Variants in CACNA1E observed in about 807,000 individuals in gnomAD.
CACNA1E encodes calcium voltage-gated channel subunit alpha1 E.
CACNA1E carries 40 observed loss-of-function variants against 259.2 expected under a neutral mutation model. That is an observed-to-expected ratio of 0.15 (90% confidence interval 0.12 to 0.20). CACNA1E has a LOEUF of 0.20. CACNA1E is among the 10% of genes least tolerant of loss of function. CACNA1E has a pLI of 1.00. For missense variants in CACNA1E, 1,874 were observed against 3,040.1 expected (o/e 0.62, Z 9.02); for synonymous variants, 1,104 against 1,138.5 (o/e 0.97, Z 0.61).
intron 7 of CACNA1E, among the ~76,000 whole-genome samples, chr1:181,671,188 C>T (rs1449753300): frequency 6.6e-6 from 1 of 152,162 alleles, no homozygotes; most frequent in Non-Finnish European, 1.5e-5. Context: ...TGCATATCAC[C>T]ACACCTGGCT....
chr1:181,664,334 G>A (rs1647989110), intron 7 of CACNA1E, among the ~76,000 whole-genome samples: 1 of 152,200 alleles, frequency 6.6e-6, no homozygotes, highest in African/African-American at 2.4e-5. Flanking sequence ...GCTCTTTTGA[G>A]TTGATTAATT....
At chr1:181,481,729 CCACCAGT>C (rs1257805626), upstream of CACNA1E, among the ~76,000 whole-genome samples, 1 of 152,148 alleles carries the variant, frequency 6.6e-6, no homozygotes, top group Non-Finnish European at 1.5e-5. Flanking sequence ...TCAGTTCAAA[CCACCAGT>C]CACCTGTGGG....
chr1:181,795,877 G>T (rs1661765092), intron 46 of CACNA1E, among the ~76,000 whole-genome samples: 1 of 151,046 alleles, frequency 6.6e-6, no homozygotes, highest in African/African-American at 2.4e-5. Context: ...CCATTAAGTG[G>T]CAGAACTGGG....
intron 37 of CACNA1E, among the ~76,000 whole-genome samples, chr1:181,773,975 G>A (rs1203039815): frequency 6.6e-6 from 1 of 152,184 alleles, no homozygotes; most frequent in Non-Finnish European, 1.5e-5. Context: ...CCTTGGACAA[G>A]TCACACAGCT....
Position 181,763,525 on chromosome 1 carries a change from C to G in CACNA1E, c.4809C>G (p.Ser1603=). 6.4e-7 allele frequency: 1 copy of G among 1,567,000 alleles called. No homozygotes were observed. Residue 1603 remains serine, a synonymous_variant, in exon 34 of 48, where the codon TCC becomes TCG. Transcript: ENST00000367573. ...TTTTGCTGTGGACCTTTGTGCAGTCCTTTAAGGTAAGAGGTACCAGCAAAT... is the reference window on the plus strand; with the variant it reads ...TTTTGCTGTGGACCTTTGTGCAGTCGTTTAAGGTAAGAGGTACCAGCAAAT... ...IRILLWTFVQ[S]FKALPYVCLL...
chr1:181,649,358 T>A (rs531759780), intron 6 of CACNA1E, among the ~76,000 whole-genome samples: 1 of 151,916 alleles, frequency 6.6e-6, no homozygotes, highest in South Asian at 2.1e-4. Flanking sequence ...TGCAATTATC[T>A]CTCTCTGAAT....
At chr1:181,657,869 G>A (rs1436244059) in intron 7 of CACNA1E, among the ~76,000 whole-genome samples, 1 of 152,236 alleles carries the variant, frequency 6.6e-6, no homozygotes, top group Non-Finnish European at 1.5e-5. Flanking sequence ...TTCAGTGAGT[G>A]TTTGTTGGCA....
At chr1:181,448,008 T>A (rs1472402039) in intron 2 of CACNA1E, among the ~76,000 whole-genome samples, 1 of 152,216 alleles carries the variant, frequency 6.6e-6, no homozygotes. Context: ...AGATAAGAGA[T>A]TATGTAATTA....
At chr1:181,791,222 A>G (rs751159289) in intron 44 of CACNA1E, among the ~76,000 whole-genome samples, 12 of 152,246 alleles carry the variant, frequency 7.9e-5, no homozygotes, top group Admixed American at 7.8e-4. Context: ...CTGTAATCCC[A>G]GTACTTTGGG....
chr1:181,494,733 A>C (rs889418383), intron 1 of CACNA1E, among the ~76,000 whole-genome samples: 1 of 152,200 alleles, frequency 6.6e-6, no homozygotes, highest in Non-Finnish European at 1.5e-5. Context: ...TCTACACCGC[A>C]CTGTCTATGG....
chr1:181,391,949 G>C (rs4048567), intron 1 of CACNA1E, among the ~76,000 whole-genome samples: 148 of 131,470 alleles, frequency 1.1e-3, no homozygotes, highest in South Asian at 3.3e-3. Flanking sequence ...CTCTCTCTGT[G>C]TGTGTGTGTG....
chr1:181,732,561 C>G lies in CACNA1E; in HGVS notation c.2475C>G (p.Ser825Arg). 1 of 1,541,444 alleles carries G rather than the reference C, an allele frequency of 6.5e-7. No individual in the cohort carries two copies. The highest frequency in any genetic ancestry group is 8.8e-7 in the Non-Finnish European group (1 of 1,142,292). ...TCAACCCGCTCAATGCCCACCCCAG[C>G]CTTTATCGGCGACCCAGGGCCATTG... ...SSLNPLNAHP[S>R]LYRRPRAIEG... The change falls in exon 20 of 48, where the codon AGC becomes AGG. Residue 825 changes from serine to arginine, a missense_variant. Transcript: ENST00000367573. This position sits in a 1 kb window ranked among gnomAD's most constrained non-coding sequence, Gnocchi z 5.5.
chr1:181,617,877 T>A (rs1168476269), intron 6 of CACNA1E, among the ~76,000 whole-genome samples: 1 of 152,224 alleles, frequency 6.6e-6, no homozygotes, highest in Non-Finnish European at 1.5e-5. Flanking sequence ...TCTGGGTGAC[T>A]GCTGTTTTGT....
intron 1 of CACNA1E, among the ~76,000 whole-genome samples, chr1:181,406,135 A>G (rs528121250): frequency 6.6e-6 from 1 of 152,282 alleles, no homozygotes; most frequent in South Asian, 2.1e-4. Context: ...AATGAAAGGA[A>G]CCTGGTTCCC....
intron 1 of CACNA1E, among the ~76,000 whole-genome samples, chr1:181,487,751 C>T (rs978117729): frequency 2.0e-5 from 3 of 152,200 alleles, no homozygotes; most frequent in Non-Finnish European, 4.4e-5. Flanking sequence ...CAGCATCTCT[C>T]ATGTGGTTTG....
At chr1:181,414,857 C>G (rs1658145214) in intron 2 of CACNA1E, among the ~76,000 whole-genome samples, 1 of 152,184 alleles carries the variant, frequency 6.6e-6, no homozygotes, top group South Asian at 2.1e-4. Flanking sequence ...TGCCTTTAAC[C>G]ATGATGGCAC....
rs773162075 is a variant in CACNA1E, at chr1:181,785,779, A to G, written c.5746A>G (p.Lys1916Glu). Reference protein sequence around the residue: ...SLPQEIIANAKALPYLQQDPV... With the variant: ...SLPQEIIANAEALPYLQQDPV... ...GCCTCAGGAGATCATTGCTAATGCC[A>G]AAGCCCTGCCTTACCTCCAGCAGGA... is the stretch of plus-strand genomic sequence containing the variant. Residue 1916 changes from lysine (K) to glutamate (E), a missense_variant, in exon 43 of 48, where the codon AAA becomes GAA. Physicochemically the swap from Lys to Glu is moderately conservative, Grantham distance 56 (BLOSUM62 1). Around this residue, in one of 14 missense-constraint regions of CACNA1E, gnomAD observed 542 missense variants for 587.2 expected, o/e 0.92. Coordinates refer to ENST00000367573, the MANE Select transcript of CACNA1E (RefSeq NM_001205293.3). 1 of 1,612,926 alleles carries G rather than the reference A, an allele frequency of 6.2e-7. No homozygotes were observed.
At chr1:181,484,956 G>A (rs1426400398) in intron 1 of CACNA1E, among the ~76,000 whole-genome samples, 1 of 152,250 alleles carries the variant, frequency 6.6e-6, no homozygotes, top group African/African-American at 2.4e-5. Context: ...TTCTTTGCAG[G>A]TTTAATCAAG....
intron 7 of CACNA1E, among the ~76,000 whole-genome samples, chr1:181,660,739 G>C (rs975924033): frequency 2.0e-5 from 3 of 152,204 alleles, no homozygotes; most frequent in African/African-American, 7.2e-5. Flanking sequence ...TCTGAGGGGA[G>C]TTGGTGGGTA....
Sources: gnomAD v4.1 joint callset for allele counts (sites outside exome capture counted in the v4.1 genomes callset) on GRCh38, gnomAD v4.1.1 for gene constraint, gnomAD v4.1.1 regional missense constraint, Gnocchi (gnomAD v3.1) non-coding constraint, MANE v1.5 for transcripts, NCBI Gene and HGNC (gene_info 2026-07-23, HGNC 2026-07-21) for gene names.